Variants in PRMT7 observed in about 807,000 individuals in gnomAD.
PRMT7 encodes the protein protein arginine N-methyltransferase 7.
In PRMT7, 75 loss-of-function variants were observed where a neutral mutation model predicts 85.4. That is an observed-to-expected ratio of 0.88 (90% confidence interval 0.73 to 1.06). The LOEUF (loss-of-function observed/expected upper bound fraction) is 1.06, where lower values mean the gene tolerates loss of function less well. Ranked by LOEUF, PRMT7 falls within the 50% of genes least tolerant of loss-of-function variation. The pLI is 0.00. For synonymous variants in PRMT7, 397 were observed against 359.5 expected (o/e 1.10, Z -1.18); for missense variants, 868 against 915.2 (o/e 0.95, Z 0.67).
At chr16:68,354,122 C>T (rs1445321322) in intron 16 of PRMT7, among the ~76,000 whole-genome samples, 9 of 152,188 alleles carry the variant, frequency 5.9e-5, no homozygotes, top group Admixed American at 5.2e-4. Context: ...TCCTGCTTGT[C>T]ATCCCAGCAC....
intron 5 of PRMT7, among the ~76,000 whole-genome samples, chr16:68,327,403 C>G (rs1249728151): frequency 6.6e-6 from 1 of 151,952 alleles, no homozygotes; most frequent in Admixed American, 6.6e-5. Flanking sequence ...CAGGGAAACT[C>G]GAAGAGTTCA....
chr16:68,341,636 C>G (rs1466285588), intron 9 of PRMT7, among the ~76,000 whole-genome samples: 3 of 152,076 alleles, frequency 2.0e-5, no homozygotes, highest in Non-Finnish European at 4.4e-5. Flanking sequence ...CTCAAATTCC[C>G]GACCTCAGGT....
rs560352923 is a variant in PRMT7 at position 68,330,886 on chromosome 16, C to T, written c.391+1712C>T. Among the ~76,000 whole-genome samples the T allele has an allele frequency of 9.2e-5, 14 of 152,296 alleles. No homozygotes were observed. In the East Asian group the frequency reaches 1.9e-3, roughly 21 times the overall value. ...CTGGGATTACAGGTGTGAGCCACCG[C>T]GCCCGGCCTATCTTTTTTATTTTTA... is the stretch of plus-strand genomic sequence containing the variant. On this transcript the variant is annotated intron_variant, in intron 6 of 18. Transcript: ENST00000441236.
At chr16:68,334,901 A>G (rs1005438210) in intron 6 of PRMT7, among the ~76,000 whole-genome samples, 9 of 152,004 alleles carry the variant, frequency 5.9e-5, no homozygotes, top group Non-Finnish European at 1.0e-4. Flanking sequence ...GGTTCAGGCA[A>G]TTCTCATGCC....
At chr16:68,338,339 T>G (rs1597346054) in intron 7 of PRMT7, among the ~76,000 whole-genome samples, 1 of 151,932 alleles carries the variant, frequency 6.6e-6, no homozygotes, top group African/African-American at 2.4e-5. Context: ...TGGATGGTGG[T>G]GCTTCCTGTT....
rs994972869 is a variant in PRMT7 at position 68,339,932 on chromosome 16, C to T, written c.891C>T (p.Ala297=). The T allele has an allele frequency of 1.2e-6, 2 of 1,613,972 alleles. No individual in the cohort carries two copies. Among genetic ancestry groups the T allele is most frequent in the East Asian group, 2.2e-5 (1 of 44,892 alleles). The stretch of plus-strand genomic sequence containing the variant: ...AGGGGAAGATCAAGTGCACCATGGC[C>T]CCCTTCTGGGCACACTCAGACCCAG... ...DPEGKIKCTM[A]PFWAHSDPEE... is the part of the protein sequence containing the mutation. The change falls in exon 9 of 19, where the codon GCC becomes GCT. Residue 297 remains alanine, a synonymous_variant. Coordinates refer to ENST00000441236, the MANE Select transcript of PRMT7 (RefSeq NM_019023.5).
rs1597522060 is a variant in PRMT7 at position 68,356,151 on chromosome 16, T to C, written c.1811+268T>C. Among the ~76,000 whole-genome samples the C allele has an allele frequency of 3.9e-5, 6 of 152,210 alleles. No homozygotes were observed. In the South Asian group the frequency reaches 1.0e-3, roughly 26 times the overall value. On this transcript the variant is annotated intron_variant, in intron 17 of 18. Coordinates refer to ENST00000441236, the MANE Select transcript of PRMT7 (RefSeq NM_019023.5). The stretch of plus-strand genomic sequence containing the variant: ...CTTGTTGGATCACAGCTCAGGAAGA[T>C]GGGAGCTTACTTCCTGTGGTCACCG...
At chr16:68,350,650 A>C (rs1474906954) in intron 14 of PRMT7, among the ~76,000 whole-genome samples, 1 of 152,234 alleles carries the variant, frequency 6.6e-6, no homozygotes, top group Non-Finnish European at 1.5e-5. Context: ...TGATTTTTGT[A>C]TATTCATAAG....
At position 68,357,103 on chromosome 16, in the gene PRMT7, G is replaced by A. The variant is rs944193821; in HGVS notation, c.1958G>A (p.Ser653Asn). 1.2e-6 allele frequency: 2 copies of A among 1,613,750 alleles called. No individual in the cohort carries two copies. The highest frequency in any genetic ancestry group is 1.7e-6 in the Non-Finnish European group (2 of 1,179,934). The change falls in exon 19 of 19, where the codon AGC becomes AAC. Residue 653 changes from serine to asparagine, a missense_variant. Coordinates refer to ENST00000441236, the MANE Select transcript of PRMT7 (RefSeq NM_019023.5). ...PHCKQAVYFF[S>N]PAPDPRALLG... ...TGCAAGCAGGCCGTCTACTTCTTCA[G>A]CCCTGCCCCAGATCCCAGAGCACTG...
At chr16:68,320,361 A>G (rs1250750426) in intron 3 of PRMT7, among the ~76,000 whole-genome samples, 1 of 152,234 alleles carries the variant, frequency 6.6e-6, no homozygotes. Flanking sequence ...TTCAGAGCTG[A>G]CAGCCACGAA....
chr16:68,320,632 C>T (rs557082397), intron 3 of PRMT7, among the ~76,000 whole-genome samples: 3 of 152,270 alleles, frequency 2.0e-5, no homozygotes, highest in African/African-American at 4.8e-5. Flanking sequence ...TAGCCATCAA[C>T]GAGCATGTCA....
At chr16:68,335,537 C>T (rs2084541959) in intron 6 of PRMT7, among the ~76,000 whole-genome samples, 1 of 151,432 alleles carries the variant, frequency 6.6e-6, no homozygotes, top group African/African-American at 2.4e-5. Context: ...TTCTTAAGCT[C>T]CTCCACGTGA....
chr16:68,348,500 C>G, intron 14 of PRMT7, 69 bp downstream of exon 14: 1 of 1,279,856 alleles, frequency 7.8e-7, no homozygotes, highest in African/African-American at 1.5e-5. Flanking sequence ...TGAAGTAGCC[C>G]AGGCCCCACC....
At chr16:68,320,471 A>G (rs1010226955) in intron 3 of PRMT7, among the ~76,000 whole-genome samples, 10 of 152,200 alleles carry the variant, frequency 6.6e-5, no homozygotes, top group Admixed American at 5.9e-4. Flanking sequence ...GGCTCTGGCT[A>G]GTTATTTGCA....
chr16:68,323,085 T>C (rs1355882025), intron 4 of PRMT7, among the ~76,000 whole-genome samples: 1 of 152,184 alleles, frequency 6.6e-6, no homozygotes, highest in African/African-American at 2.4e-5. Flanking sequence ...ACTGATTGTA[T>C]CTAAGACATA....
intron 5 of PRMT7, chr16:68,328,171 C>T (rs1019970875): frequency 2.1e-5 from 6 of 280,818 alleles, no homozygotes; most frequent in South Asian, 1.4e-4. Flanking sequence ...CTGACCAACC[C>T]CAGCTTCAGG....
chr16:68,327,676 G>A (rs975537705), intron 5 of PRMT7, among the ~76,000 whole-genome samples: 1 of 152,128 alleles, frequency 6.6e-6, no homozygotes, highest in Non-Finnish European at 1.5e-5. Context: ...AGCCAGGTGC[G>A]GTGGCTCACG....
chr16:68,311,049 C>T lies in PRMT7; in HGVS notation c.-269C>T, dbSNP rs775700043. ...TGCGAGGTCCCGCCCCGCGTGCTGGCCGCGGTAAAAGTGGTAGCAGCGGAG... is the reference window on the plus strand; with the variant it reads ...TGCGAGGTCCCGCCCCGCGTGCTGGTCGCGGTAAAAGTGGTAGCAGCGGAG... On this transcript the variant is annotated 5_prime_UTR_variant, in exon 1 of 19. Coordinates refer to ENST00000441236, the MANE Select transcript of PRMT7 (RefSeq NM_019023.5). The T allele has an allele frequency of 7.8e-6, 7 of 901,186 alleles. No individual in the cohort carries two copies. Among genetic ancestry groups the T allele is most frequent in the South Asian group, 4.2e-5 (3 of 70,760 alleles). The allele number at this position is 901,186 out of a possible 1,614,324, so 55.8% of individuals were successfully genotyped here.
intron 5 of PRMT7, among the ~76,000 whole-genome samples, chr16:68,327,134 C>T (rs536755325): frequency 6.6e-6 from 1 of 152,246 alleles, no homozygotes; most frequent in South Asian, 2.1e-4. Context: ...CGTAAGTACT[C>T]TTTACGAAAG....
Sources: allele counts gnomAD v4.1 joint callset (sites outside exome capture counted in the v4.1 genomes callset), GRCh38; gene constraint gnomAD v4.1.1; transcripts MANE v1.5; gene names NCBI Gene and HGNC (gene_info 2026-07-23, HGNC 2026-07-21).